Variants in DNM3 observed in about 807,000 individuals in gnomAD.
DNM3 encodes the protein dynamin-3.
Under a neutral mutation model 101.6 loss-of-function variants are expected in DNM3, and 47 were observed. The ratio of observed to expected loss-of-function variants is 0.46; its 90% CI spans 0.37 to 0.59. The LOEUF (loss-of-function observed/expected upper bound fraction) is 0.59. Among genes scored for constraint, DNM3 ranks in the 20% least tolerant of loss-of-function variants. The pLI, the probability that DNM3 is intolerant of heterozygous loss-of-function variation, is 0.00. For synonymous variants in DNM3, 385 were observed against 387.9 expected (o/e 0.99, Z 0.09); for missense variants, 849 against 1,085.7 (o/e 0.78, Z 3.06).
At chr1:172,018,082 G>A (rs1423587326) in intron 4 of DNM3, among the ~76,000 whole-genome samples, 2 of 152,058 alleles carry the variant, frequency 1.3e-5, no homozygotes, top group Non-Finnish European at 2.9e-5. Flanking sequence ...TTTAATCTGT[G>A]TGTTTTTATA....
In DNM3 at chr1:172,412,593, C is replaced by T; in HGVS notation, c.*4752C>T. On this transcript the variant is annotated 3_prime_UTR_variant, in exon 21 of 21. Coordinates refer to ENST00000627582, the MANE Select transcript of DNM3 (RefSeq NM_015569.5). ...GGATTTCTTAATGCTGATATATGGA[C>T]TCTTAGAATGGAATTTTTGAAGAAA... is the stretch of plus-strand genomic sequence containing the variant. The T allele has an allele frequency of 1.0e-6, 1 of 985,784 alleles. No homozygotes were observed. The highest frequency in any genetic ancestry group is 1.2e-6 in the Non-Finnish European group (1 of 829,914). The allele number at this position is 985,784 out of a possible 1,614,324, so 61.1% of individuals were successfully genotyped here.
chr1:171,872,805 G>T (rs184377146), intron 1 of DNM3, among the ~76,000 whole-genome samples: 2 of 151,658 alleles, frequency 1.3e-5, no homozygotes, highest in Non-Finnish European at 2.9e-5. Context: ...TTTTAATTCA[G>T]GTCCAATTTG....
At chr1:172,070,058 T>G (rs556257034) in intron 11 of DNM3, among the ~76,000 whole-genome samples, 1 of 152,280 alleles carries the variant, frequency 6.6e-6, no homozygotes, top group East Asian at 1.9e-4. Context: ...GTGATTCCAG[T>G]AACCACCTTG....
intron 14 of DNM3, chr1:172,138,738 G>C: frequency 3.2e-6 from 1 of 313,108 alleles, no homozygotes; most frequent in South Asian, 2.7e-5. Context: ...TTTGGTTGTA[G>C]CTCTTGGTGT....
chr1:172,135,589 A>C (rs769025459), intron 14 of DNM3, among the ~76,000 whole-genome samples: 78 of 152,098 alleles, frequency 5.1e-4, no homozygotes, highest in Non-Finnish European at 7.8e-4. Flanking sequence ...ACAGAAAATT[A>C]ATTTCCCAAT....
At chr1:172,120,582 C>T (rs954814944) in intron 13 of DNM3, among the ~76,000 whole-genome samples, 2 of 152,212 alleles carry the variant, frequency 1.3e-5, no homozygotes, top group African/African-American at 2.4e-5. Flanking sequence ...GTAGGAGGCT[C>T]ACTCTTGCTT....
chr1:171,947,239 G>T (rs1321704285), intron 2 of DNM3, among the ~76,000 whole-genome samples: 6 of 152,128 alleles, frequency 3.9e-5, no homozygotes, highest in African/African-American at 1.2e-4. Context: ...TTTTGTGAGT[G>T]GGGGTTGGGG....
At chr1:172,174,571 G>A (rs548340984) in intron 14 of DNM3, among the ~76,000 whole-genome samples, 1 of 151,768 alleles carries the variant, frequency 6.6e-6, no homozygotes, top group East Asian at 1.9e-4. Context: ...TTTAACAAAT[G>A]TCTCAGTGTT....
At chr1:172,379,223 T>A in intron 18 of DNM3, 41 bp downstream of exon 18, 1 of 1,493,192 alleles carries the variant, frequency 6.7e-7, no homozygotes, top group South Asian at 1.3e-5. Flanking sequence ...TTCTAACCCA[T>A]CCGAGTGTGG....
At chr1:172,345,327 TTTC>T (rs1456836157) in intron 17 of DNM3, among the ~76,000 whole-genome samples, 2 of 152,180 alleles carry the variant, frequency 1.3e-5, no homozygotes, top group East Asian at 3.9e-4. Context: ...TTATTTGAGG[TTTC>T]TTCAGAAAGG....
intron 14 of DNM3, among the ~76,000 whole-genome samples, chr1:172,170,939 G>A (rs76737220): frequency 0.011 from 1,659 of 151,896 alleles, 23 homozygotes; most frequent in African/African-American, 0.038. Flanking sequence ...AGATCTGGCT[G>A]AGGTGATATT....
chr1:172,281,360 G>A (rs944576333), intron 15 of DNM3, among the ~76,000 whole-genome samples: 20 of 152,014 alleles, frequency 1.3e-4, no homozygotes, highest in African/African-American at 4.8e-4. Context: ...TTTCTCCATG[G>A]TTCACAAATG....
intron 2 of DNM3, among the ~76,000 whole-genome samples, chr1:171,965,677 T>G (rs1368829626): frequency 6.6e-6 from 1 of 152,162 alleles, no homozygotes; most frequent in African/African-American, 2.4e-5. Flanking sequence ...CCCATGTAGT[T>G]GAGGCGTGTC....
chr1:172,063,641 T>A (rs1365069313), intron 10 of DNM3, among the ~76,000 whole-genome samples: 1 of 151,876 alleles, frequency 6.6e-6, no homozygotes, highest in African/African-American at 2.4e-5. Context: ...CAGGCTGGAC[T>A]GGTGGTGGGC....
chr1:172,034,921 A>G (rs564971071), intron 6 of DNM3, among the ~76,000 whole-genome samples: 5 of 152,258 alleles, frequency 3.3e-5, no homozygotes, highest in South Asian at 2.1e-4. Flanking sequence ...CCTAAGACCA[A>G]TGAGGAGTCA....
chr1:172,412,157 G>C lies in DNM3; in HGVS notation c.*4316G>C, dbSNP rs2071247055. On this transcript the variant is annotated 3_prime_UTR_variant, in exon 21 of 21. Transcript: ENST00000627582. Reference sequence around the variant, plus strand: ...AAGACCTGTTCATACTGGTATATTGGTGAGACTTCTCACTTCTGGTTGGAG... The same window carrying C: ...AAGACCTGTTCATACTGGTATATTGCTGAGACTTCTCACTTCTGGTTGGAG... 1 of 985,618 alleles carries C rather than the reference G, an allele frequency of 1.0e-6. No homozygotes were observed. The highest frequency in any genetic ancestry group is 1.2e-6 in the Non-Finnish European group (1 of 829,890). 61.1% of individuals were successfully genotyped at this position (985,618 alleles called of 1,614,324 possible).
chr1:172,033,025 C>A, intron 5 of DNM3, 80 bp from the exon 6 acceptor site: 2 of 1,514,664 alleles, frequency 1.3e-6, no homozygotes, highest in South Asian at 1.3e-5. Context: ...TCTTACTCTG[C>A]CTATGTGAGA....
chr1:172,095,334 G>A (rs1162612480), intron 13 of DNM3, among the ~76,000 whole-genome samples: 1 of 152,154 alleles, frequency 6.6e-6, no homozygotes, highest in African/African-American at 2.4e-5. Context: ...CATCAGATCA[G>A]GTTTTGCTGC....
intron 14 of DNM3, among the ~76,000 whole-genome samples, chr1:172,152,506 T>C (rs1225518147): frequency 6.6e-6 from 1 of 152,132 alleles, no homozygotes; most frequent in Non-Finnish European, 1.5e-5. Context: ...GTGATTCTTA[T>C]ACGGGTTAGG....
Sources: allele counts gnomAD v4.1 joint callset (sites outside exome capture counted in the v4.1 genomes callset), GRCh38; gene constraint gnomAD v4.1.1; transcripts MANE v1.5; gene names NCBI Gene and HGNC (gene_info 2026-07-23, HGNC 2026-07-21).